OPCML: variants seen among roughly 807,000 people sequenced by gnomAD.
OPCML encodes opioid binding protein/cell adhesion molecule like, also known as opioid-binding protein/cell adhesion molecule.
OPCML carries 13 observed loss-of-function variants against 37.8 expected under a neutral mutation model. The ratio of observed to expected loss-of-function variants is 0.34; its 90% CI spans 0.22 to 0.55. The LOEUF (loss-of-function observed/expected upper bound fraction) is 0.55, where lower values mean the gene tolerates loss of function less well. OPCML is among the 20% of genes least tolerant of loss of function. The pLI, the probability that OPCML is intolerant of heterozygous loss-of-function variation, is 0.91. For synonymous variants in OPCML, 176 were observed against 168.8 expected (o/e 1.04, Z -0.33); for missense variants, 341 against 435.6 (o/e 0.78, Z 1.93).
intron 4 of OPCML, among the ~76,000 whole-genome samples, chr11:132,446,221 G>A (rs2096054702): frequency 6.7e-6 from 1 of 148,230 alleles, no homozygotes; most frequent in Non-Finnish European, 1.5e-5. Flanking sequence ...GGTTCTGAGT[G>A]AGTGTCACAG....
At chr11:132,782,416 G>A (rs1379576820) in intron 2 of OPCML, among the ~76,000 whole-genome samples, 1 of 152,204 alleles carries the variant, frequency 6.6e-6, no homozygotes, top group Non-Finnish European at 1.5e-5. Flanking sequence ...ATTTTTCCTG[G>A]TGGCTGCAGG....
At chr11:132,746,341 G>T (rs1945635428) in intron 2 of OPCML, among the ~76,000 whole-genome samples, 1 of 152,076 alleles carries the variant, frequency 6.6e-6, no homozygotes, top group Admixed American at 6.6e-5. Context: ...GGGAAAATAT[G>T]GAACACCACC....
chr11:133,341,724 C>G (rs1330904282), intron 1 of OPCML, among the ~76,000 whole-genome samples: 5 of 152,000 alleles, frequency 3.3e-5, no homozygotes, highest in Non-Finnish European at 2.9e-5. Flanking sequence ...TTCAAGACCA[C>G]CCTGGCCAAC....
At chr11:132,988,492 A>G (rs1177675790) in intron 1 of OPCML, among the ~76,000 whole-genome samples, 1 of 152,224 alleles carries the variant, frequency 6.6e-6, no homozygotes, top group Admixed American at 6.5e-5. Flanking sequence ...GAAGATAGTA[A>G]AGGCATCAAG....
Position 132,564,355 on chromosome 11 carries a change from C to T in OPCML, c.380-35169G>A, listed in dbSNP as rs548825398. Among the ~76,000 whole-genome samples, 27 of 152,332 alleles carry T rather than the reference C, an allele frequency of 1.8e-4. 1 individual carries two copies. In the South Asian group the frequency reaches 2.1e-3, roughly 12 times the overall value. On this transcript the variant is annotated intron_variant, in intron 3 of 7. Transcript: ENST00000524381. Reference sequence around the variant, plus strand: ...GCTGGGAGACCTAACCGCTTCCTTCCACAACAGCACACTTTAACATCACTC... The same window carrying T: ...GCTGGGAGACCTAACCGCTTCCTTCTACAACAGCACACTTTAACATCACTC...
At chr11:132,645,291 G>A (rs756573201) in intron 3 of OPCML, among the ~76,000 whole-genome samples, 1 of 152,198 alleles carries the variant, frequency 6.6e-6, no homozygotes, top group Non-Finnish European at 1.5e-5. Flanking sequence ...ATAAATCCAT[G>A]CTGGACGTGG....
intron 2 of OPCML, among the ~76,000 whole-genome samples, chr11:132,797,666 A>ACAAAG (rs200327532): frequency 0.016 from 2,419 of 152,380 alleles, 25 homozygotes; most frequent in Middle Eastern, 0.031. Flanking sequence ...AGTATGCCTA[A>ACAAAG]CAATGTACAT....
At chr11:133,402,567 G>T (rs1217083067) in intron 1 of OPCML, among the ~76,000 whole-genome samples, 1 of 152,090 alleles carries the variant, frequency 6.6e-6, no homozygotes. Flanking sequence ...GCATCTCTTT[G>T]AAAGGACCAA....
At chr11:133,396,708 C>T (rs1445983936) in intron 1 of OPCML, among the ~76,000 whole-genome samples, 1 of 152,200 alleles carries the variant, frequency 6.6e-6, no homozygotes, top group Admixed American at 6.5e-5. Flanking sequence ...ATGTAAACTA[C>T]ATACAAGACA....
At chr11:132,890,859 AAAAAAAAAAAAAAAG>A (rs1318911569) in intron 2 of OPCML, among the ~76,000 whole-genome samples, 4 of 148,832 alleles carry the variant, frequency 2.7e-5, no homozygotes, top group African/African-American at 9.8e-5. Context: ...TCCATCTCAA[AAAAAAAAAAAAAAAG>A]AAAAAAAAAG....
intron 1 of OPCML, among the ~76,000 whole-genome samples, chr11:133,456,356 C>T (rs1042304101): frequency 2.6e-5 from 4 of 152,158 alleles, no homozygotes; most frequent in African/African-American, 9.7e-5. Context: ...AGCCTCACTT[C>T]AGGCTGATCC....
At chr11:133,024,771 A>G in intron 1 of OPCML, 1 of 983,342 alleles carries the variant, frequency 1.0e-6, no homozygotes, top group Non-Finnish European at 1.2e-6. Flanking sequence ...CATTTTGTGG[A>G]AGACTTGGAG....
At chr11:132,682,486 A>G (rs946033275) in intron 2 of OPCML, among the ~76,000 whole-genome samples, 1 of 152,168 alleles carries the variant, frequency 6.6e-6, no homozygotes, top group African/African-American at 2.4e-5. Context: ...ACCCTTGCTA[A>G]AAGGAATAGA....
intron 1 of OPCML, among the ~76,000 whole-genome samples, chr11:133,458,534 T>TAC (rs1471586736): frequency 9.2e-6 from 1 of 108,424 alleles, no homozygotes; most frequent in Non-Finnish European, 1.6e-5. Flanking sequence ...TGTGTGTGTA[T>TAC]ACACATATAT....
chr11:132,607,187 G>T (rs1938355626), intron 3 of OPCML, among the ~76,000 whole-genome samples: 1 of 152,176 alleles, frequency 6.6e-6, no homozygotes, highest in South Asian at 2.1e-4. Context: ...TGTTGTTGTT[G>T]TTGCTGTTAC....
intron 2 of OPCML, among the ~76,000 whole-genome samples, chr11:132,817,475 GA>G (rs1226572015): frequency 1.3e-5 from 2 of 151,772 alleles, no homozygotes; most frequent in South Asian, 4.2e-4. Context: ...TTTGTCTTTG[GA>G]AAAAAAATTT....
intron 3 of OPCML, among the ~76,000 whole-genome samples, chr11:132,626,921 G>A (rs1470691796): frequency 6.9e-6 from 1 of 145,220 alleles, no homozygotes; most frequent in Non-Finnish European, 1.5e-5. Flanking sequence ...CATATATAAA[G>A]CTTTATATAT....
At chr11:133,128,578 C>T (rs187934331) in intron 1 of OPCML, among the ~76,000 whole-genome samples, 15 of 152,244 alleles carry the variant, frequency 9.9e-5, no homozygotes, top group African/African-American at 3.6e-4. Context: ...GGAGAGGACC[C>T]CTGGAGGTAT....
At chr11:133,246,538 G>C (rs901213852) in intron 1 of OPCML, among the ~76,000 whole-genome samples, 1 of 152,210 alleles carries the variant, frequency 6.6e-6, no homozygotes, top group Admixed American at 6.5e-5. Flanking sequence ...CTGTGCAGGG[G>C]AAGGGAAGGG....
Sources: allele counts gnomAD v4.1 joint callset (sites outside exome capture counted in the v4.1 genomes callset), GRCh38; gene constraint gnomAD v4.1.1; transcripts MANE v1.5; gene names NCBI Gene and HGNC (gene_info 2026-07-23, HGNC 2026-07-21).